The following PDILT variants were observed in gnomAD, a reference collection of about 807,000 sequenced individuals.
PDILT encodes the protein protein disulfide isomerase like, testis expressed.
PDILT carries 43 observed loss-of-function variants against 53.7 expected under a neutral mutation model. That is an observed-to-expected ratio of 0.80 (90% CI 0.63 to 1.03). The LOEUF (loss-of-function observed/expected upper bound fraction) is 1.03. Among genes scored for constraint, PDILT ranks in the 50% least tolerant of loss-of-function variants. The pLI, the probability that PDILT is intolerant of heterozygous loss-of-function variation, is 0.00. For synonymous variants in PDILT, 282 were observed against 274.2 expected (o/e 1.03, Z -0.28); for missense variants, 727 against 712.3 (o/e 1.02, Z -0.24).
intron 3 of PDILT, among the ~76,000 whole-genome samples, chr16:20,379,965 A>T (rs1596589044): frequency 6.6e-6 from 1 of 152,248 alleles, no homozygotes; most frequent in South Asian, 2.1e-4. Flanking sequence ...ACTTGGAAAC[A>T]AATGGTTTCT....
chr16:20,369,837 G>A (rs984822216), intron 7 of PDILT, 148 bp from the exon 8 acceptor site: 45 of 756,470 alleles, frequency 5.9e-5, no homozygotes, highest in Non-Finnish European at 8.3e-5. Context: ...GCTCTGCACC[G>A]AAATGCATGG....
chr16:20,380,387 G>A (rs909961182), intron 3 of PDILT, among the ~76,000 whole-genome samples: 1 of 152,004 alleles, frequency 6.6e-6, no homozygotes, highest in Middle Eastern at 3.4e-3. Flanking sequence ...GCCCAGGCTG[G>A]AGTGCGGTGG....
intron 9 of PDILT, 131 bp downstream of exon 9, chr16:20,365,289 G>A: frequency 1.0e-6 from 1 of 968,400 alleles, no homozygotes; most frequent in South Asian, 1.5e-5. Flanking sequence ...ATCCCTTTGG[G>A]TATCTGAAGA....
intron 1 of PDILT, among the ~76,000 whole-genome samples, chr16:20,400,053 TC>T (rs1966714127): frequency 8.0e-6 from 1 of 124,568 alleles, no homozygotes; most frequent in Admixed American, 8.2e-5. Flanking sequence ...TATCTATCTA[TC>T]TATATATATA....
intron 3 of PDILT, among the ~76,000 whole-genome samples, chr16:20,383,838 T>G (rs572658534): frequency 6.6e-6 from 1 of 152,318 alleles, no homozygotes; most frequent in African/African-American, 2.4e-5. Context: ...CCTGCATCCA[T>G]GAATGCCTTC....
intron 2 of PDILT, among the ~76,000 whole-genome samples, chr16:20,386,795 C>A (rs1966545460): frequency 6.6e-6 from 1 of 152,210 alleles, no homozygotes; most frequent in African/African-American, 2.4e-5. Flanking sequence ...CCGGCTTCCT[C>A]GTGGATGTGG....
intron 2 of PDILT, chr16:20,385,970 C>G (rs1159569962): frequency 6.6e-6 from 1 of 152,192 alleles, no homozygotes; most frequent in Non-Finnish European, 1.5e-5. Flanking sequence ...CCAAATTGAG[C>G]CCCTGCAGTT....
intron 10 of PDILT, among the ~76,000 whole-genome samples, chr16:20,361,444 A>G (rs184152007): frequency 1.3e-5 from 2 of 152,218 alleles, no homozygotes; most frequent in East Asian, 1.9e-4. Flanking sequence ...CAGGCTCCCA[A>G]CGTAATGAGA....
At chr16:20,365,575 A>C (rs1489736755) in intron 8 of PDILT, 35 bp from the exon 9 acceptor site, 3 of 1,609,696 alleles carry the variant, frequency 1.9e-6, no homozygotes, top group African/African-American at 2.7e-5. Context: ...AAGAGTCTTC[A>C]TAAAGGGTCT....
chr16:20,365,977 C>A (rs1417016586), intron 8 of PDILT, among the ~76,000 whole-genome samples: 2 of 151,424 alleles, frequency 1.3e-5, no homozygotes, highest in Non-Finnish European at 2.9e-5. Flanking sequence ...GTAATCCCAG[C>A]TACTCAGGAG....
chr16:20,394,712 C>T lies in PDILT; in HGVS notation c.202+4387G>A, dbSNP rs530403626. Reference sequence around the variant, plus strand: ...CTTATGGCCTACACATTGAGTAGCACAGATGGGCATCATTTCCAGGCCTAG... The same window carrying T: ...CTTATGGCCTACACATTGAGTAGCATAGATGGGCATCATTTCCAGGCCTAG... On this transcript the variant is annotated intron_variant, in intron 2 of 11. Transcript: ENST00000302451. Among the ~76,000 whole-genome samples, 11 of 152,320 alleles carry T rather than the reference C, an allele frequency of 7.2e-5. No individual in the cohort carries two copies. In the South Asian group the frequency reaches 2.3e-3, roughly 32 times the overall value.
At chr16:20,367,057 T>C (rs555208502) in intron 8 of PDILT, among the ~76,000 whole-genome samples, 9 of 110,914 alleles carry the variant, frequency 8.1e-5, no homozygotes, top group Non-Finnish European at 1.1e-4. Context: ...CTTTCTTTCT[T>C]TCTTTCTTTC....
In PDILT at chr16:20,372,896, A is replaced by G. The variant is rs1966327054; in HGVS notation, c.824T>C (p.Met275Thr). ...GGAGACAAACAGCAGCATGTGACTCATGATGTGCAACTCGGAAATCAGATC... is the reference window on the plus strand; with the variant it reads ...GGAGACAAACAGCAGCATGTGACTCGTGATGTGCAACTCGGAAATCAGATC... ...NKDLISELHI[M>T]SHMLLFVSKS... The change falls in exon 7 of 12, where the codon ATG becomes ACG. Residue 275 changes from methionine (M) to threonine (T), a missense_variant. Physicochemically the swap from Met to Thr is moderately conservative, Grantham distance 81. Coordinates refer to ENST00000302451, the MANE Select transcript of PDILT (RefSeq NM_174924.2). 1.9e-6 allele frequency: 3 copies of G among 1,614,116 alleles called. No individual in the cohort carries two copies. The highest frequency in any genetic ancestry group is 2.5e-6 in the Non-Finnish European group (3 of 1,179,976).
chr16:20,364,926 A>G (rs1039901302), intron 9 of PDILT, among the ~76,000 whole-genome samples: 8 of 152,206 alleles, frequency 5.3e-5, no homozygotes, highest in Non-Finnish European at 8.8e-5. Flanking sequence ...TTAGGAGTGT[A>G]GGTGCTGAAG....
intron 2 of PDILT, among the ~76,000 whole-genome samples, chr16:20,395,237 C>G (rs1021085861): frequency 6.6e-6 from 1 of 152,154 alleles, no homozygotes; most frequent in African/African-American, 2.4e-5. Context: ...AAACCTAAAA[C>G]ATTCACCATT....
At chr16:20,397,508 C>A (rs1237386175) in intron 2 of PDILT, among the ~76,000 whole-genome samples, 1 of 152,134 alleles carries the variant, frequency 6.6e-6, no homozygotes, top group Non-Finnish European at 1.5e-5. Flanking sequence ...CTCAAGATCA[C>A]CAGCCCAAGG....
At position 20,362,548 on chromosome 16, in the gene PDILT, G is replaced by A. The variant is rs751390432; in HGVS notation, c.1272C>T (p.Phe424=). The A allele has an allele frequency of 3.7e-6, 6 of 1,614,000 alleles. No homozygotes were observed. Among genetic ancestry groups the A allele is most frequent in the Admixed American group, 1.7e-5 (1 of 59,996 alleles). ...APWSKKCKML[F]PLLEELGRKY... ...TTCTGCCCAATTCCTCCAACAGTGG[G>A]AACAGCATCTTGCACTTTTTAGACC... The change falls in exon 10 of 12, where the codon TTC becomes TTT. Residue 424 remains phenylalanine (F), a synonymous_variant. Coordinates refer to ENST00000302451, the MANE Select transcript of PDILT (RefSeq NM_174924.2).
At position 20,376,284 on chromosome 16, in the gene PDILT, G is replaced by A. The variant is rs557584027; in HGVS notation, c.410-83C>T. 2.7e-5 allele frequency: 41 copies of A among 1,524,564 alleles called. No homozygotes were observed. In the South Asian group the frequency reaches 4.7e-4, roughly 18 times the overall value. 94.4% of individuals were successfully genotyped at this position (1,524,564 alleles called of 1,614,324 possible). ...GAAGCTGGTCTTTCTCAAGTTTAAT[G>A]CATAGAACCTTCTTGTCTCAGGCTC... is the stretch of plus-strand genomic sequence containing the variant. On this transcript the variant is annotated intron_variant, in intron 3 of 11. Coordinates refer to ENST00000302451, the MANE Select transcript of PDILT (RefSeq NM_174924.2).
chr16:20,400,322 G>A (rs893986556), intron 1 of PDILT, among the ~76,000 whole-genome samples: 15 of 151,554 alleles, frequency 9.9e-5, no homozygotes, highest in African/African-American at 3.4e-4. Flanking sequence ...TGATCTGCCT[G>A]CCTCAGCCTC....
Sources: allele counts gnomAD v4.1 joint callset (sites outside exome capture counted in the v4.1 genomes callset), GRCh38; gene constraint gnomAD v4.1.1; transcripts MANE v1.5; gene names NCBI Gene and HGNC (gene_info 2026-07-23, HGNC 2026-07-21).